FBXW10B: variants seen among roughly 807,000 people sequenced by gnomAD.
FBXW10B encodes F-box and WD repeat domain containing protein 10B.
the FBXW10B span, among the ~76,000 whole-genome samples, chr17:15,609,852 C>CTTTTT: frequency 5.4e-3 from 554 of 103,154 alleles, 4 homozygotes; most frequent in African/African-American, 8.4e-3. Flanking sequence ...TTCTTTCTTT[C>CTTTTT]TTTTTTTTTT....
At chr17:15,588,811 G>A in the FBXW10B span, 5 of 1,425,670 alleles carry the variant, frequency 3.5e-6, no homozygotes, top group Non-Finnish European at 4.0e-6. Context: ...TGATTGAGTT[G>A]AGTTGGAGAT....
At chr17:15,594,369 G>C in the FBXW10B span, among the ~76,000 whole-genome samples, 3 of 151,476 alleles carry the variant, frequency 2.0e-5, no homozygotes, top group Admixed American at 6.6e-5. Context: ...CTACTCAGAA[G>C]GCTGAGACAG....
the FBXW10B span, among the ~76,000 whole-genome samples, chr17:15,588,132 G>A: frequency 3.8e-4 from 58 of 152,298 alleles, no homozygotes; most frequent in African/African-American, 1.4e-3. Context: ...TAGATGATGG[G>A]TTTCATTTGC....
the FBXW10B span, among the ~76,000 whole-genome samples, chr17:15,597,244 C>T: frequency 2.0e-5 from 3 of 148,800 alleles, no homozygotes; most frequent in African/African-American, 7.6e-5. Flanking sequence ...GGGTTTACTG[C>T]TGCTTCAACA....
At chr17:15,592,529 A>G in the FBXW10B span, among the ~76,000 whole-genome samples, 6 of 152,046 alleles carry the variant, frequency 3.9e-5, no homozygotes, top group Non-Finnish European at 8.8e-5. Flanking sequence ...CTACGCATAT[A>G]TAAAGCACAG....
chr17:15,606,981 G>A, the FBXW10B span, among the ~76,000 whole-genome samples: 9 of 152,142 alleles, frequency 5.9e-5, no homozygotes, highest in Non-Finnish European at 1.2e-4. Context: ...AAGGACCTTC[G>A]TCTCTCGGCA....
the FBXW10B span, among the ~76,000 whole-genome samples, chr17:15,614,301 G>A: frequency 6.6e-6 from 1 of 151,868 alleles, no homozygotes; most frequent in Non-Finnish European, 1.5e-5. Flanking sequence ...CCATTCTCCT[G>A]CCTCAGCCTC....
the FBXW10B span, among the ~76,000 whole-genome samples, chr17:15,593,003 C>A: frequency 2.6e-4 from 37 of 144,286 alleles, no homozygotes; most frequent in Admixed American, 7.8e-4. Flanking sequence ...ACTCGGGAGG[C>A]TGAGGCAGAG....
the FBXW10B span, among the ~76,000 whole-genome samples, chr17:15,609,555 T>A: frequency 6.6e-6 from 1 of 150,980 alleles, no homozygotes; most frequent in African/African-American, 2.4e-5. Context: ...GCTCTGCCAC[T>A]GCCCAGCTGT....
the FBXW10B span, among the ~76,000 whole-genome samples, chr17:15,577,883 C>G: frequency 6.6e-6 from 1 of 151,608 alleles, no homozygotes; most frequent in Non-Finnish European, 1.5e-5. Context: ...GATGGGCAGC[C>G]ATGGCAGCAG....
the FBXW10B span, among the ~76,000 whole-genome samples, chr17:15,602,209 T>C: frequency 6.6e-6 from 1 of 151,814 alleles, no homozygotes; most frequent in African/African-American, 2.4e-5. Flanking sequence ...AACAAACAGT[T>C]TTCAAGGAGG....
the FBXW10B span, among the ~76,000 whole-genome samples, chr17:15,568,516 C>T: frequency 5.3e-5 from 8 of 152,072 alleles, no homozygotes; most frequent in Admixed American, 3.3e-4. Context: ...TGCCTGTTCC[C>T]TGCTGAGCTC....
chr17:15,603,933 A>G, the FBXW10B span, among the ~76,000 whole-genome samples: 94 of 138,068 alleles, frequency 6.8e-4, 2 homozygotes, highest in African/African-American at 2.5e-3. Context: ...AAAAAAAAAT[A>G]GCCTGGTGTG....
the FBXW10B span, chr17:15,566,086 C>A: frequency 6.2e-7 from 1 of 1,607,220 alleles, no homozygotes; most frequent in East Asian, 2.2e-5. Flanking sequence ...CAATCTCAAC[C>A]GATCAACTGC....
At chr17:15,572,594 G>T in the FBXW10B span, 3 of 151,946 alleles carry the variant, frequency 2.0e-5, no homozygotes, top group Non-Finnish European at 4.4e-5. Context: ...CATTCTAGGT[G>T]GGCATCAATG....
At chr17:15,619,268 C>T in the FBXW10B span, 16 of 1,613,960 alleles carry the variant, frequency 9.9e-6, no homozygotes, top group Admixed American at 5.0e-5. Context: ...GAAATCCTTT[C>T]CCTGTGTGGT....
the FBXW10B span, chr17:15,596,394 A>T: frequency 1.5e-6 from 2 of 1,329,000 alleles, no homozygotes; most frequent in Non-Finnish European, 1.0e-6. Flanking sequence ...GAGCTTCAGG[A>T]CTGTCCTTCT....
the FBXW10B span, among the ~76,000 whole-genome samples, chr17:15,596,861 G>A: frequency 5.8e-4 from 89 of 152,236 alleles, no homozygotes; most frequent in Non-Finnish European, 7.1e-4. Context: ...AGCACAGAGC[G>A]CCCTGAATAC....
At chr17:15,607,608 A>G in the FBXW10B span, 2 of 1,613,900 alleles carry the variant, frequency 1.2e-6, no homozygotes, top group Non-Finnish European at 1.7e-6. Context: ...TAGGTCCCAC[A>G]GAAAACATTT....
Sources: gnomAD v4.1 joint callset for allele counts (sites outside exome capture counted in the v4.1 genomes callset) on GRCh38, gnomAD v4.1.1 for gene constraint, MANE v1.5 for transcripts, NCBI Gene and HGNC (gene_info 2026-07-23, HGNC 2026-07-21) for gene names.